SBK2: variants seen among roughly 807,000 people sequenced by gnomAD.
SBK2 encodes the protein SH3 domain binding kinase family member 2.
Under a neutral mutation model 15.9 loss-of-function variants are expected in SBK2, and 18 were observed. That is an observed-to-expected ratio of 1.13 (90% CI 0.78 to 1.68). SBK2 has a LOEUF of 1.68. SBK2 is among the 40% of genes most tolerant of loss of function. The pLI is 0.00. For missense variants in SBK2, 581 were observed against 510.9 expected (o/e 1.14, Z -1.32); for synonymous variants, 284 against 246.8 (o/e 1.15, Z -1.41).
rs140935495 is a variant in SBK2 at position 55,529,364 on chromosome 19, C to G, written c.*369G>C. On this transcript the variant is annotated 3_prime_UTR_variant, in exon 4 of 4. Coordinates refer to ENST00000413299, the MANE Select transcript of SBK2 (RefSeq NM_001370096.2). ...TGAGCAGAGATAGCACCACTGCACT[C>G]CAGCCTGGGAGACAGAGCGAGACCC... 0.012 allele frequency among the ~76,000 whole-genome samples: 1,783 copies of G among 152,250 alleles called. 33 individuals carry two copies. The highest frequency in any genetic ancestry group is 0.039 in the African/African-American group (1,626 of 41,542).
chr19:55,529,983 G>A lies in SBK2; in HGVS notation c.797C>T (p.Pro266Leu). ...GTAGAAGGGGTCGGCCTCGGCCAGGGGCCGGTCCCAGGGGAAGTAGCCCGT... is the reference window on the plus strand; with the variant it reads ...GTAGAAGGGGTCGGCCTCGGCCAGGAGCCGGTCCCAGGGGAAGTAGCCCGT... ...LLTGYFPWDR[P>L]LAEADPFYED... The change falls in exon 4 of 4, where the codon CCC becomes CTC. Residue 266 changes from proline (P) to leucine (L), a missense_variant. Physicochemically the swap from Pro to Leu is moderately conservative, Grantham distance 98. Coordinates refer to ENST00000413299, the MANE Select transcript of SBK2 (RefSeq NM_001370096.2). The A allele has an allele frequency of 1.3e-6, 2 of 1,528,098 alleles. No homozygotes were observed. The highest frequency in any genetic ancestry group is 1.2e-5 in the South Asian group (1 of 82,408). 94.7% of individuals were successfully genotyped at this position (1,528,098 alleles called of 1,614,324 possible). A position where few individuals can be genotyped will look rare whatever the true frequency, so the allele number is the denominator to read the frequency against.
Position 55,529,927 on chromosome 19 carries a change from G to A in SBK2, c.853C>T (p.Gln285Ter). 1 of 1,530,980 alleles carries A rather than the reference G, an allele frequency of 6.5e-7. No homozygotes were observed. Among genetic ancestry groups the A allele is most frequent in the South Asian group, 1.2e-5 (1 of 81,406 alleles). The allele number at this position is 1,530,980 out of a possible 1,614,324, so 94.8% of individuals were successfully genotyped here. Residue 285 changes from glutamine (Q) to a stop codon, truncating the protein, a stop_gained, in exon 4 of 4, where the codon CAG (glutamine) becomes TAG (stop). Coordinates refer to ENST00000413299, the MANE Select transcript of SBK2 (RefSeq NM_001370096.2). LOFTEE classifies it low-confidence loss of function (END_TRUNC). The part of the protein sequence containing the change: ...EDFLIWQASG[Q>*]PRDRPQPWFG... ...CAGGGCTGAGGGCGGTCCCGGGGCT[G>A]GCCCGACGCCTGCCAGATGAGGAAG...
chr19:55,531,093 C>T (rs1217961600), intron 3 of SBK2, 50 bp downstream of exon 3: 3 of 1,555,692 alleles, frequency 1.9e-6, no homozygotes, highest in Non-Finnish European at 2.6e-6. Context: ...CAGGACGTTC[C>T]TGGGAGGCCG....
chr19:55,531,337 G>C lies in SBK2; in HGVS notation c.262C>G (p.Leu88Val). 1 of 1,604,820 alleles carries C rather than the reference G, an allele frequency of 6.2e-7. No individual in the cohort carries two copies. The highest frequency in any genetic ancestry group is 1.1e-5 in the South Asian group (1 of 89,858). The change falls in exon 3 of 4, where the codon CTG (leucine) becomes GTG (valine). Residue 88 changes from leucine to valine, a missense_variant. Physicochemically the swap from Leu to Val is conservative, Grantham distance 32 (BLOSUM62 1). Transcript: ENST00000413299. Reference protein sequence around the residue: ...LVTHRQKGTPLALKQLPKPRT... With the variant: ...LVTHRQKGTPVALKQLPKPRT... The stretch of plus-strand genomic sequence containing the variant: ...GGTTTCGGGAGCTGCTTCAGTGCCA[G>C]GGGTGTGCCTGGGGCAGCAGGGACA...
At position 55,528,790 on chromosome 19, in the gene SBK2, G is replaced by C. The variant is rs1300538282; in HGVS notation, c.*943C>G. ...ACCAGACAGGCTAATTTATTTAACAGACATTTCCTGATCCCTGCTGCAGGC... is the reference window on the plus strand; with the variant it reads ...ACCAGACAGGCTAATTTATTTAACACACATTTCCTGATCCCTGCTGCAGGC... On this transcript the variant is annotated 3_prime_UTR_variant, in exon 4 of 4. Transcript: ENST00000413299. 6.6e-6 allele frequency among the ~76,000 whole-genome samples: 1 copy of C among 152,134 alleles called. No individual in the cohort carries two copies. The highest frequency in any genetic ancestry group is 1.5e-5 in the Non-Finnish European group (1 of 68,032).
At position 55,529,011 on chromosome 19, in the gene SBK2, G is replaced by A. The variant is rs1988176568; in HGVS notation, c.*722C>T. Among the ~76,000 whole-genome samples, 1 of 152,236 alleles carries A rather than the reference G, an allele frequency of 6.6e-6. No individual in the cohort carries two copies. Among genetic ancestry groups the A allele is most frequent in the Admixed American group, 6.5e-5 (1 of 15,280 alleles). The stretch of plus-strand genomic sequence containing the variant: ...GCGCAGCTGTAATCCCAGCACTGCG[G>A]GAGGCCGAGGTGGGAGACTCGCTCC... On this transcript the variant is annotated 3_prime_UTR_variant, in exon 4 of 4. Coordinates refer to ENST00000413299, the MANE Select transcript of SBK2 (RefSeq NM_001370096.2).
At chr19:55,536,725 T>A (rs1385405983) in intron 1 of SBK2, among the ~76,000 whole-genome samples, 1 of 151,860 alleles carries the variant, frequency 6.6e-6, no homozygotes, top group Non-Finnish European at 1.5e-5. Context: ...TTGGGATCAG[T>A]CCCCAAGCTC....
rs200184531 is a variant in SBK2 at position 55,536,108 on chromosome 19, C to T, written c.187G>A (p.Glu63Lys). The change falls in exon 2 of 4, where the codon GAG (glutamate) becomes AAG (lysine). Residue 63 changes from glutamate (E) to lysine (K), a missense_variant. Coordinates refer to ENST00000413299, the MANE Select transcript of SBK2 (RefSeq NM_001370096.2). ...CCCTGGCCCAGGGGACGCACTTCCT[C>T]GTAGAGCTCGTCCACCTCGGCTCGG... ...LVRAEVDELY[E>K]EVRPLGQGCY... The T allele has an allele frequency of 9.7e-4, 1,505 of 1,545,166 alleles. 13 individuals carry two copies. In the African/African-American group the frequency reaches 0.018, roughly 19 times the overall value.
intron 1 of SBK2, among the ~76,000 whole-genome samples, chr19:55,536,616 C>A (rs1988412846): frequency 6.7e-6 from 1 of 149,910 alleles, no homozygotes; most frequent in Non-Finnish European, 1.5e-5. Flanking sequence ...TGAGTAGACT[C>A]TGTCTCCTGA....
rs1418852982 is a variant in SBK2 at position 55,528,760 on chromosome 19, GCCACA to G, written c.*968_*972del. Among the ~76,000 whole-genome samples the G allele has an allele frequency of 2.0e-5, 3 of 152,166 alleles. No homozygotes were observed. In the East Asian group the frequency reaches 5.8e-4, roughly 29 times the overall value. ...AGGACAGGGACGGAGGGGAGGCTGC[GCCACA>G]CCAGACAGGCTAATTTATTTAACAG... is the stretch of plus-strand genomic sequence containing the variant. On this transcript the variant is annotated 3_prime_UTR_variant, in exon 4 of 4. Transcript: ENST00000413299.
chr19:55,531,348 G>T lies in SBK2; in HGVS notation c.254-3C>A, dbSNP rs1462355552. Reference sequence around the variant, plus strand: ...CTGCTTCAGTGCCAGGGGTGTGCCTGGGGCAGCAGGGACAGGTATGGGAGG... The same window carrying T: ...CTGCTTCAGTGCCAGGGGTGTGCCTTGGGCAGCAGGGACAGGTATGGGAGG... On this transcript the variant is annotated splice_polypyrimidine_tract_variant and splice_region_variant and intron_variant, in intron 2 of 3. Transcript: ENST00000413299. 6.3e-7 allele frequency: 1 copy of T among 1,596,110 alleles called. No individual in the cohort carries two copies. The highest frequency in any genetic ancestry group is 2.3e-5 in the East Asian group (1 of 43,874).
chr19:55,534,519 AACAC>A, intron 2 of SBK2, among the ~76,000 whole-genome samples: 1 of 149,334 alleles, frequency 6.7e-6, no homozygotes, highest in East Asian at 2.0e-4. Context: ...CAGCCTGGGC[AACAC>A]AGTGAGACCC....
At position 55,529,723 on chromosome 19, in the gene SBK2, C is replaced by T. The variant is rs779594741; in HGVS notation, c.*10G>A. ...GGGCGGCTTCCCTTTCTGCATCCCC[C>T]GGGGCCTCCTCACTGCCCAGCCTCC... On this transcript the variant is annotated 3_prime_UTR_variant, in exon 4 of 4. Coordinates refer to ENST00000413299, the MANE Select transcript of SBK2 (RefSeq NM_001370096.2). 43 of 1,597,740 alleles carry T rather than the reference C, an allele frequency of 2.7e-5. No homozygotes were observed. The highest frequency in any genetic ancestry group is 1.8e-4 in the South Asian group (16 of 90,816).
At position 55,529,757 on chromosome 19, in the gene SBK2, C is replaced by A; in HGVS notation, c.1023G>T (p.Ala341=). 6.2e-7 allele frequency: 1 copy of A among 1,602,144 alleles called. No homozygotes were observed. Among genetic ancestry groups the A allele is most frequent in the Non-Finnish European group, 8.5e-7 (1 of 1,179,648 alleles). Residue 341 remains alanine, a synonymous_variant, in exon 4 of 4, where the codon GCG becomes GCT. Transcript: ENST00000413299. ...QREGEAEAVG[A]VEEEAGQ is the part of the protein sequence containing the mutation. ...CTCACTGCCCAGCCTCCTCTTCCAC[C>A]GCTCCCACTGCCTCCGCCTCGCCCT...
rs1437719172 is a variant in SBK2 at position 55,530,034 on chromosome 19, A to G, written c.746T>C (p.Leu249Pro). 2 of 1,495,196 alleles carry G rather than the reference A, an allele frequency of 1.3e-6. No homozygotes were observed. Among genetic ancestry groups the G allele is most frequent in the South Asian group, 1.3e-5 (1 of 78,554 alleles). The allele number at this position is 1,495,196 out of a possible 1,614,324, so 92.6% of individuals were successfully genotyped here. Residue 249 changes from leucine to proline, a missense_variant, in exon 4 of 4, where the codon CTG becomes CCG. Leu to Pro is a moderately conservative substitution (Grantham distance 98, BLOSUM62 -3). Coordinates refer to ENST00000413299, the MANE Select transcript of SBK2 (RefSeq NM_001370096.2). ...PIQPALDAWALGVLLFCLLTG... is the reference protein window; with the variant it reads ...PIQPALDAWAPGVLLFCLLTG... ...GAGGAGGCAGAAGAGCAGGACGCCC[A>G]GCGCCCAGGCGTCCAGGGCGGGCTG...
In SBK2 at chr19:55,529,876, CG is replaced by C; in HGVS notation, c.903del (p.Asp301GlufsTer18). On this transcript the variant is annotated frameshift_variant, in exon 4 of 4. Coordinates refer to ENST00000413299, the MANE Select transcript of SBK2 (RefSeq NM_001370096.2). LOFTEE classifies it low-confidence loss of function (END_TRUNC). ...GGGTCCAGCAGCCCCCGCAGAAGCG[CG>C]TCGGCCGCGGCGGCCAGGCCGAACC... ...QPWFGLAAAA[D>X]ALLRGLLDPH... 6.9e-6 allele frequency: 11 copies of C among 1,593,264 alleles called. No individual in the cohort carries two copies. Among genetic ancestry groups the C allele is most frequent in the Non-Finnish European group, 8.5e-6 (10 of 1,173,078 alleles).
chr19:55,531,052 A>C (rs1988244233), intron 3 of SBK2, 91 bp downstream of exon 3: 4 of 1,232,142 alleles, frequency 3.2e-6, no homozygotes, highest in Non-Finnish European at 3.5e-6. Flanking sequence ...GGCCCAACGC[A>C]GTGGCTGTGG....
At chr19:55,534,725 A>G (rs1179373193) in intron 2 of SBK2, among the ~76,000 whole-genome samples, 5 of 147,640 alleles carry the variant, frequency 3.4e-5, no homozygotes, top group African/African-American at 7.6e-5. Flanking sequence ...AAAAAAGAAA[A>G]AAAAAGAAAA....
In SBK2 at chr19:55,529,330, A is replaced by G. The variant is rs1406871581; in HGVS notation, c.*403T>C. Among the ~76,000 whole-genome samples, 1 of 152,066 alleles carries G rather than the reference A, an allele frequency of 6.6e-6. No individual in the cohort carries two copies. The highest frequency in any genetic ancestry group is 1.5e-5 in the Non-Finnish European group (1 of 68,032). ...AAGATTGCTTGAGCTGTGGATTTTG[A>G]GACTGCAGTGAGCAGAGATAGCACC... On this transcript the variant is annotated 3_prime_UTR_variant, in exon 4 of 4. Transcript: ENST00000413299.
Sources: gnomAD v4.1 joint callset for allele counts (sites outside exome capture counted in the v4.1 genomes callset) on GRCh38, gnomAD v4.1.1 for gene constraint, MANE v1.5 for transcripts, NCBI Gene and HGNC (gene_info 2026-07-23, HGNC 2026-07-21) for gene names.